The following KBTBD12 variants were observed in gnomAD, a reference collection of about 807,000 sequenced individuals.
The protein encoded by KBTBD12 is kelch repeat and BTB domain containing 12.
In KBTBD12, 53 loss-of-function variants were observed where a neutral mutation model predicts 58.7. The observed-to-expected ratio is 0.90, with a 90% confidence interval of 0.72 to 1.14. The LOEUF (loss-of-function observed/expected upper bound fraction) is 1.14. Ranked by LOEUF, KBTBD12 falls within the 50% of genes most tolerant of loss-of-function variation. The pLI is 0.00. For synonymous variants in KBTBD12, 236 were observed against 259.8 expected (o/e 0.91, Z 0.88); for missense variants, 704 against 751.3 (o/e 0.94, Z 0.74).
intron 4 of KBTBD12, among the ~76,000 whole-genome samples, chr3:127,958,567 T>TGTA (rs1286641746): frequency 6.6e-6 from 1 of 152,174 alleles, no homozygotes; most frequent in Non-Finnish European, 1.5e-5. Flanking sequence ...GACAGCATTG[T>TGTA]GTAATTGCAG....
intron 4 of KBTBD12, 88 bp from the exon 5 acceptor site, chr3:127,963,101 C>T (rs1341861634): frequency 1.7e-6 from 2 of 1,195,332 alleles, no homozygotes; most frequent in South Asian, 1.6e-5. Context: ...TCCCATAAAC[C>T]TTTGATACAA....
chr3:127,917,171 C>T (rs576041080), intron 1 of KBTBD12, among the ~76,000 whole-genome samples: 1 of 152,372 alleles, frequency 6.6e-6, no homozygotes, highest in East Asian at 1.9e-4. Context: ...AGGCTGAGAG[C>T]TCAGTCCCAC....
intron 5 of KBTBD12, among the ~76,000 whole-genome samples, chr3:127,969,086 C>T (rs1940638173): frequency 6.6e-6 from 1 of 152,056 alleles, no homozygotes; most frequent in African/African-American, 2.4e-5. Context: ...AGGTTCTAAT[C>T]AGTAAAATTA....
chr3:127,918,669 G>A (rs566420711), intron 1 of KBTBD12, among the ~76,000 whole-genome samples: 11 of 149,530 alleles, frequency 7.4e-5, no homozygotes, highest in Non-Finnish European at 1.3e-4. Flanking sequence ...CCGAGGTCGC[G>A]CCACTGCACT....
In KBTBD12 at chr3:127,963,555, A is replaced by T. The variant is rs74346305; in HGVS notation, c.1690+169A>T. On this transcript the variant is annotated intron_variant, in intron 5 of 5. Coordinates refer to ENST00000405109, the MANE Select transcript of KBTBD12 (RefSeq NM_207335.4). ...ACCTCTTGGCCTGGGTTTCACATGG[A>T]CAAAGTGAAGCTGGCACATCCATAG... 1,758 of 607,968 alleles carry T rather than the reference A, an allele frequency of 2.9e-3. 21 individuals carry two copies. Among genetic ancestry groups the T allele is most frequent in the African/African-American group, 0.027 (1,475 of 54,004 alleles). 37.7% of individuals were successfully genotyped at this position (607,968 alleles called of 1,614,324 possible). A position where few individuals can be genotyped will look rare whatever the true frequency, so the allele number is the denominator to read the frequency against.
At chr3:127,944,605 C>A (rs1559766785) in intron 4 of KBTBD12, among the ~76,000 whole-genome samples, 3 of 152,152 alleles carry the variant, frequency 2.0e-5, no homozygotes. Flanking sequence ...TATGTAGGAT[C>A]ATGTCATCTG....
chr3:127,983,692 G>A (rs1243933941), intron 5 of KBTBD12, among the ~76,000 whole-genome samples: 1 of 152,130 alleles, frequency 6.6e-6, no homozygotes, highest in Admixed American at 6.5e-5. Context: ...GGCGGAGGTT[G>A]CAGTGAGCGA....
intron 1 of KBTBD12, among the ~76,000 whole-genome samples, chr3:127,921,695 G>A (rs532904586): frequency 6.6e-6 from 1 of 152,172 alleles, no homozygotes; most frequent in African/African-American, 2.4e-5. Flanking sequence ...ATACATATAG[G>A]CCAGTTATTT....
chr3:127,984,224 C>T lies in KBTBD12; in HGVS notation c.1818C>T (p.Pro606=), dbSNP rs1308508542. ...YDVCLVARMN[P]RDLIPPPSDL... ...TCTGCCTAGTAGCCAGGATGAATCC[C>T]CGAGACCTCATCCCCCCGCCTTCAG... Residue 606 remains proline (P), a synonymous_variant, in exon 6 of 6, where the codon CCC becomes CCT. Transcript: ENST00000405109. 1 of 1,613,854 alleles carries T rather than the reference C, an allele frequency of 6.2e-7. No individual in the cohort carries two copies. Among genetic ancestry groups the T allele is most frequent in the Non-Finnish European group, 8.5e-7 (1 of 1,179,882 alleles).
At chr3:127,967,478 A>C (rs544731404) in intron 5 of KBTBD12, among the ~76,000 whole-genome samples, 1 of 152,230 alleles carries the variant, frequency 6.6e-6, no homozygotes, top group Non-Finnish European at 1.5e-5. Context: ...CCATAGGTAG[A>C]TAGGGTAGGA....
intron 4 of KBTBD12, among the ~76,000 whole-genome samples, chr3:127,937,297 A>G (rs1018842090): frequency 2.0e-5 from 3 of 152,192 alleles, no homozygotes; most frequent in South Asian, 2.1e-4. Context: ...AAAATTTACA[A>G]TATCACCAGG....
chr3:127,919,661 T>C (rs1939349852), intron 1 of KBTBD12, among the ~76,000 whole-genome samples: 1 of 152,208 alleles, frequency 6.6e-6, no homozygotes, highest in East Asian at 1.9e-4. Context: ...TTCAAAGCAG[T>C]CTTCATTCAG....
At chr3:127,937,447 T>G (rs548127302) in intron 4 of KBTBD12, among the ~76,000 whole-genome samples, 24 of 152,000 alleles carry the variant, frequency 1.6e-4, no homozygotes, top group African/African-American at 4.8e-4. Context: ...AAAGAGAAAA[T>G]TAGTGAGTAG....
Position 127,964,897 on chromosome 3 carries a change from G to C in KBTBD12, c.1690+1511G>C, listed in dbSNP as rs566464592. Among the ~76,000 whole-genome samples the C allele has an allele frequency of 1.7e-4, 26 of 152,314 alleles. No individual in the cohort carries two copies. In the South Asian group the frequency reaches 4.1e-3, roughly 24 times the overall value. ...TACATGCCATGCTTGGGTAAAGACT[G>C]TAATCTATCATAGTAGTAAGAAACC... is the stretch of plus-strand genomic sequence containing the variant. On this transcript the variant is annotated intron_variant, in intron 5 of 5. Transcript: ENST00000405109.
intron 5 of KBTBD12, among the ~76,000 whole-genome samples, chr3:127,980,264 G>A (rs1940850456): frequency 6.6e-6 from 1 of 152,204 alleles, no homozygotes; most frequent in Admixed American, 6.5e-5. Context: ...GAGGTAAGAG[G>A]TCTAACAGAA....
At chr3:127,952,736 C>G (rs975430407) in intron 4 of KBTBD12, among the ~76,000 whole-genome samples, 1 of 152,210 alleles carries the variant, frequency 6.6e-6, no homozygotes, top group Non-Finnish European at 1.5e-5. Context: ...CACTAGCAAT[C>G]GTCTGACTTC....
chr3:127,981,694 C>A (rs1305885208), intron 5 of KBTBD12, among the ~76,000 whole-genome samples: 7 of 152,166 alleles, frequency 4.6e-5, no homozygotes, highest in Non-Finnish European at 7.3e-5. Context: ...GTAATCCCAG[C>A]AGTTTGGGAG....
chr3:127,943,555 C>T (rs1489715766), intron 4 of KBTBD12, among the ~76,000 whole-genome samples: 2 of 151,656 alleles, frequency 1.3e-5, no homozygotes, highest in Non-Finnish European at 2.9e-5. Context: ...GGTTTTTTTG[C>T]TATTGAGTTG....
At chr3:127,956,324 A>G (rs1940319665) in intron 4 of KBTBD12, among the ~76,000 whole-genome samples, 1 of 152,174 alleles carries the variant, frequency 6.6e-6, no homozygotes, top group Admixed American at 6.5e-5. Context: ...GTTCACAGGG[A>G]GTTAGCATTC....
Sources: allele counts gnomAD v4.1 joint callset (sites outside exome capture counted in the v4.1 genomes callset), GRCh38; gene constraint gnomAD v4.1.1; transcripts MANE v1.5; gene names NCBI Gene and HGNC (gene_info 2026-07-23, HGNC 2026-07-21).